MCM2: variants seen among roughly 807,000 people sequenced by gnomAD.
MCM2 encodes the protein minichromosome maintenance complex component 2.
Under a neutral mutation model 86.4 loss-of-function variants are expected in MCM2, and 49 were observed. The observed-to-expected ratio is 0.57, with a 90% CI of 0.45 to 0.72. The LOEUF (loss-of-function observed/expected upper bound fraction) is 0.72. Among genes scored for constraint, MCM2 ranks in the 30% least tolerant of loss-of-function variants. MCM2 has a pLI of 0.00. For missense variants in MCM2, 1,038 were observed against 1,259.9 expected (o/e 0.82, Z 2.67); for synonymous variants, 475 against 484.6 (o/e 0.98, Z 0.26).
chr3:127,618,994 C>T lies in MCM2; in HGVS notation c.2014-33C>T, dbSNP rs766347474. 3 of 1,546,560 alleles carry T rather than the reference C, an allele frequency of 1.9e-6. No individual in the cohort carries two copies. The highest frequency in any genetic ancestry group is 1.2e-5 in the South Asian group (1 of 81,024). ...ACCTCCCCAAAGCCACGCACACCCA[C>T]AATCAGACCCACCCTCTCATGGCTT... On this transcript the variant is annotated intron_variant, in intron 12 of 15. Coordinates refer to ENST00000265056, the MANE Select transcript of MCM2 (RefSeq NM_004526.4). The surrounding 1 kb of genome is among the most constrained non-coding windows in gnomAD (Gnocchi z 4.0).
intron 2 of MCM2, among the ~76,000 whole-genome samples, chr3:127,602,824 G>A (rs947278968): frequency 6.6e-6 from 1 of 152,226 alleles, no homozygotes; most frequent in African/African-American, 2.4e-5. Flanking sequence ...AGGCGGCATA[G>A]TCAGAGATGG....
chr3:127,598,722 C>T (rs1667061279), intron 1 of MCM2: 1 of 537,698 alleles, frequency 1.9e-6, no homozygotes, highest in Non-Finnish European at 3.2e-6. Context: ...CCCACACATA[C>T]TTATTGGGCG....
chr3:127,606,616 G>T lies in MCM2; in HGVS notation c.900G>T (p.Leu300=), dbSNP rs756770153. ...GCACCCTCTGCCTCCGCAGGCAGCT[G>T]CATCTGAACCAGCTGATCCGCACCA... is the stretch of plus-strand genomic sequence containing the variant. The part of the protein sequence containing the change: ...LVEELRSLRQ[L]HLNQLIRTSG... The change falls in exon 6 of 16, where the codon CTG becomes CTT. Residue 300 remains leucine, a synonymous_variant. Transcript: ENST00000265056. The surrounding 1 kb of genome is among the most constrained non-coding windows in gnomAD (Gnocchi z 4.2). 1.9e-6 allele frequency: 3 copies of T among 1,613,794 alleles called. No homozygotes were observed. Among genetic ancestry groups the T allele is most frequent in the African/African-American group, 1.3e-5 (1 of 74,948 alleles).
At position 127,598,475 on chromosome 3, in the gene MCM2, G is replaced by A; in HGVS notation, c.6+3G>A. The A allele has an allele frequency of 1.9e-6, 3 of 1,612,808 alleles. No individual in the cohort carries two copies. Among genetic ancestry groups the A allele is most frequent in the Non-Finnish European group, 2.5e-6 (3 of 1,179,330 alleles). ...AGGATCGTGGTACTGCTATGGCGGT[G>A]AGCGCGCTGGCGCGTGGCGGGCGGG... is the stretch of plus-strand genomic sequence containing the variant. On this transcript the variant is annotated splice_donor_region_variant and intron_variant, in intron 1 of 15. Coordinates refer to ENST00000265056, the MANE Select transcript of MCM2 (RefSeq NM_004526.4).
At chr3:127,600,542 C>T (rs2074300237) in intron 2 of MCM2, among the ~76,000 whole-genome samples, 1 of 152,176 alleles carries the variant, frequency 6.6e-6, no homozygotes, top group Non-Finnish European at 1.5e-5. Context: ...AGTTGAGAGG[C>T]TTTCAAGGGC....
At chr3:127,598,795 T>A in intron 1 of MCM2, 1 of 330,662 alleles carries the variant, frequency 3.0e-6, no homozygotes, top group Non-Finnish European at 5.5e-6. Flanking sequence ...CCTTTAAACT[T>A]TTTTTTTTTT....
chr3:127,598,620 C>T lies in MCM2; in HGVS notation c.6+148C>T. 2.7e-6 allele frequency: 3 copies of T among 1,123,272 alleles called. No individual in the cohort carries two copies. The South Asian group carries it at 4.9e-5, about 18-fold the overall frequency. The allele number at this position is 1,123,272 out of a possible 1,614,324, so 69.6% of individuals were successfully genotyped here. A position where few individuals can be genotyped will look rare whatever the true frequency, so the allele number is the denominator to read the frequency against. ...GCGCAGCTACTTTCTCGCCTGCACC[C>T]TGCGTGAGGCGACTCGCCTACCTAC... On this transcript the variant is annotated intron_variant, in intron 1 of 15. Coordinates refer to ENST00000265056, the MANE Select transcript of MCM2 (RefSeq NM_004526.4).
chr3:127,612,214 A>G (rs1576417076), intron 8 of MCM2, among the ~76,000 whole-genome samples: 1 of 152,330 alleles, frequency 6.6e-6, no homozygotes, highest in Admixed American at 6.5e-5. Context: ...CTACTCTGTC[A>G]GTTTCATGGC....
chr3:127,621,316 T>C (rs1201088673), intron 15 of MCM2, 88 bp downstream of exon 15: 1 of 1,516,700 alleles, frequency 6.6e-7, no homozygotes, highest in Non-Finnish European at 9.0e-7. Context: ...TAATGGGTCA[T>C]GAAGTGGGTG....
At chr3:127,619,825 T>A (rs965746024) in intron 13 of MCM2, among the ~76,000 whole-genome samples, 3 of 151,984 alleles carry the variant, frequency 2.0e-5, no homozygotes, top group Admixed American at 6.6e-5. Flanking sequence ...ACAAAAAATG[T>A]TTTGAAACTT....
rs1436915937 is a variant in MCM2 at position 127,616,939 on chromosome 3, T to C, written c.1594T>C (p.Phe532Leu). 6.8e-6 allele frequency: 11 copies of C among 1,614,184 alleles called. No homozygotes were observed. The highest frequency in any genetic ancestry group is 9.3e-6 in the Non-Finnish European group (11 of 1,180,042). ...AGACCCTGGCACAGCGAAGTCGCAG[T>C]TTCTCAAGTATATTGAGAAAGTGTC... ...CGDPGTAKSQ[F>L]LKYIEKVSSR... Residue 532 changes from phenylalanine (F) to leucine (L), a missense_variant, in exon 10 of 16, where the codon TTT (phenylalanine) becomes CTT (leucine). By Grantham distance (22) the Phe-to-Leu change is conservative (BLOSUM62 0). Around this residue, in one of 4 missense-constraint regions of MCM2, gnomAD observed 399 missense variants for 507.2 expected, o/e 0.79. Coordinates refer to ENST00000265056, the MANE Select transcript of MCM2 (RefSeq NM_004526.4).
chr3:127,611,703 T>TGAG, intron 8 of MCM2, among the ~76,000 whole-genome samples: 1 of 121,792 alleles, frequency 8.2e-6, no homozygotes, highest in African/African-American at 3.5e-5. Flanking sequence ...TTTTTTTTTT[T>TGAG]TTTTTTTTTT....
intron 4 of MCM2, among the ~76,000 whole-genome samples, chr3:127,605,787 C>G (rs1290422461): frequency 1.3e-5 from 2 of 151,936 alleles, no homozygotes; most frequent in Non-Finnish European, 2.9e-5. Flanking sequence ...TCCTGCAATT[C>G]CTTCCACTGC....
chr3:127,608,403 C>A lies in MCM2; in HGVS notation c.1123C>A (p.Arg375Ser). The A allele has an allele frequency of 6.2e-7, 1 of 1,614,226 alleles. No individual in the cohort carries two copies. Among genetic ancestry groups the A allele is most frequent in the Non-Finnish European group, 8.5e-7 (1 of 1,180,036 alleles). ...MEETIYQNYQ[R>S]IRIQESPGKV... ...GCAGACCATCTATCAGAACTACCAG[C>A]GTATCCGAATCCAGGAGAGTCCAGG... is the stretch of plus-strand genomic sequence containing the variant. The change falls in exon 7 of 16, where the codon CGT becomes AGT. Residue 375 changes from arginine to serine, a missense_variant. Transcript: ENST00000265056.
At chr3:127,608,556 G>A (rs2074367971) in intron 7 of MCM2, 40 bp downstream of exon 7, 1 of 1,611,646 alleles carries the variant, frequency 6.2e-7, no homozygotes. Context: ...CCAAGTTGCA[G>A]AGGGAACTGG....
rs760568261 is a variant in MCM2, at chr3:127,619,029, C to T, written c.2016C>T (p.Asp672=). The T allele has an allele frequency of 4.2e-5, 67 of 1,592,926 alleles. No individual in the cohort carries two copies. Among genetic ancestry groups the T allele is most frequent in the Admixed American group, 3.2e-4 (19 of 58,702 alleles). ...CACCCTCTCATGGCTTATCTTAGGA[C>T]GAGATGCTGGCCCGCTTCGTGGTGG... ...VVRDTVDPVQ[D]EMLARFVVGS... Residue 672 remains aspartate (D), a splice_region_variant and synonymous_variant, in exon 13 of 16, where the codon GAC becomes GAT. Coordinates refer to ENST00000265056, the MANE Select transcript of MCM2 (RefSeq NM_004526.4).
intron 15 of MCM2, 62 bp downstream of exon 15, chr3:127,621,290 G>C (rs1379061123): frequency 1.9e-6 from 3 of 1,588,484 alleles, no homozygotes; most frequent in Admixed American, 1.7e-5. Flanking sequence ...CCAGTCTCCT[G>C]ATGGGGGCTC....
At chr3:127,605,254 C>A in intron 4 of MCM2, 98 bp downstream of exon 4, 1 of 1,477,406 alleles carries the variant, frequency 6.8e-7, no homozygotes, top group Non-Finnish European at 9.2e-7. Flanking sequence ...AAGCACAGGG[C>A]ATATGGCTGA....
rs537435596 is a variant in MCM2, at chr3:127,620,888, T to C, written c.2448+8T>C. Reference sequence around the variant, plus strand: ...ATGCGCAGCATGCGCAAGGTGGGTGTGCTCCGAGGTAGGGGCCTGATGGGC... The same window carrying C: ...ATGCGCAGCATGCGCAAGGTGGGTGCGCTCCGAGGTAGGGGCCTGATGGGC... On this transcript the variant is annotated splice_region_variant and intron_variant, in intron 14 of 15. Transcript: ENST00000265056. 8 of 1,595,352 alleles carry C rather than the reference T, an allele frequency of 5.0e-6. No homozygotes were observed. In the South Asian group the frequency reaches 9.0e-5, roughly 18 times the overall value.
Sources: allele counts gnomAD v4.1 joint callset (sites outside exome capture counted in the v4.1 genomes callset), GRCh38; gene constraint gnomAD v4.1.1; regional missense constraint gnomAD v4.1.1; non-coding constraint Gnocchi (gnomAD v3.1); transcripts MANE v1.5; gene names NCBI Gene and HGNC (gene_info 2026-07-23, HGNC 2026-07-21).